Variants in TBX20 observed in about 807,000 individuals in gnomAD.
TBX20 encodes the protein T-box transcription factor TBX20.
A neutral mutation model predicts 42.9 loss-of-function variants in TBX20; 8 were observed. The observed-to-expected ratio is 0.19, with a 90% CI of 0.11 to 0.34. The LOEUF (loss-of-function observed/expected upper bound fraction) is 0.34, where lower values mean the gene tolerates loss of function less well. Ranked by LOEUF, TBX20 falls within the 10% of genes least tolerant of loss-of-function variation. The pLI is 1.00. For synonymous variants in TBX20, 198 were observed against 222.8 expected, an observed-to-expected ratio of 0.89 and a Z score of 0.99; for missense variants, 411 against 566.0, an observed-to-expected ratio of 0.73 and a Z score of 2.78.
chr7:35,253,413 T>C, intron 1 of TBX20, 81 bp downstream of exon 1: 1 of 1,524,148 alleles, frequency 6.6e-7, no homozygotes, highest in Non-Finnish European at 8.9e-7. Flanking sequence ...CAGACGTTGC[T>C]GCGAGCCGCC....
rs534077250 is a variant in TBX20 at position 35,209,788 on chromosome 7, G to A, written c.891-5206C>T. Among the ~76,000 whole-genome samples the A allele has an allele frequency of 2.3e-3, 352 of 152,276 alleles. 1 individual carries two copies. The highest frequency in any genetic ancestry group is 8.0e-3 in the African/African-American group (333 of 41,556). ...CTTTCATTTCTAAAGCAGAGATGTA[G>A]CACTATAAATTTTCTGGAAGTAATG... On this transcript the variant is annotated intron_variant, in intron 6 of 7. Coordinates refer to ENST00000408931, the MANE Select transcript of TBX20 (RefSeq NM_001077653.2).
intron 6 of TBX20, among the ~76,000 whole-genome samples, chr7:35,218,689 A>G (rs2128711755): frequency 6.6e-6 from 1 of 152,358 alleles, no homozygotes; most frequent in African/African-American, 2.4e-5. Context: ...TTCCAGAAAT[A>G]AAATTCAATT....
Position 35,202,536 on chromosome 7 carries a change from A to T in TBX20, c.1238T>A (p.Phe413Tyr). The T allele has an allele frequency of 6.2e-7, 1 of 1,613,778 alleles. No individual in the cohort carries two copies. Among genetic ancestry groups the T allele is most frequent in the Non-Finnish European group, 8.5e-7 (1 of 1,179,914 alleles). The change falls in exon 8 of 8, where the codon TTC (phenylalanine) becomes TAC (tyrosine). Residue 413 changes from phenylalanine (F) to tyrosine (Y), a missense_variant. Physicochemically the swap from Phe to Tyr is conservative, Grantham distance 22 (BLOSUM62 3). Coordinates refer to ENST00000408931, the MANE Select transcript of TBX20 (RefSeq NM_001077653.2). ...ASSMQGSGPTFPSFHMPRYHH... is the reference protein window; with the variant it reads ...ASSMQGSGPTYPSFHMPRYHH... ...GTATCGCGGCATGTGGAATGAAGGG[A>T]ATGTGGGGCCACTCCCTTGCATGGA...
intron 3 of TBX20, among the ~76,000 whole-genome samples, chr7:35,245,319 G>T (rs183194352): frequency 0.011 from 1,599 of 146,476 alleles, 31 homozygotes; most frequent in African/African-American, 0.038. Context: ...TGTTTAAAGG[G>T]GTGTGTGTGT....
intron 6 of TBX20, among the ~76,000 whole-genome samples, chr7:35,211,521 T>C (rs574004991): frequency 2.6e-5 from 4 of 152,192 alleles, no homozygotes; most frequent in Non-Finnish European, 5.9e-5. Flanking sequence ...GTTAACAGAC[T>C]TGATTTCTCT....
intron 6 of TBX20, among the ~76,000 whole-genome samples, chr7:35,207,614 G>T (rs915097369): frequency 4.6e-5 from 7 of 152,162 alleles, no homozygotes; most frequent in Non-Finnish European, 8.8e-5. Flanking sequence ...GTTATAGTGT[G>T]AGGTTTTATG....
rs1424831644 is a variant in TBX20 at position 35,240,919 on chromosome 7, T to C, written c.773A>G (p.Glu258Gly). ...SEEFRTFIFP[E>G]TVFTAVTAYQ... ...GGCAGTGACTGCCGTAAAAACTGTT[T>C]CTGGAAAGATGAAAGTTCTAAATTC... Residue 258 changes from glutamate to glycine, a missense_variant, in exon 5 of 8, where the codon GAA becomes GGA. Physicochemically the swap from Glu to Gly is moderately conservative, Grantham distance 98 (BLOSUM62 -2). Transcript: ENST00000408931. 6.2e-7 allele frequency: 1 copy of C among 1,613,826 alleles called. No individual in the cohort carries two copies. The highest frequency in any genetic ancestry group is 8.5e-7 in the Non-Finnish European group (1 of 1,179,850).
Position 35,240,995 on chromosome 7 carries a change from T to C in TBX20, c.697A>G (p.Ile233Val), listed in dbSNP as rs1342084751. ...GCTGTGTGGTCTTTCTTCTTAATGA[T>C]GTGCACCCTTGGCTGGTACTTATGC... Reference protein sequence around the residue: ...SMHKYQPRVHIIKKKDHTASL... With the variant: ...SMHKYQPRVHVIKKKDHTASL... The change falls in exon 5 of 8, where the codon ATC (isoleucine) becomes GTC (valine). Residue 233 changes from isoleucine to valine, a missense_variant. By Grantham distance (29) the Ile-to-Val change is conservative. Coordinates refer to ENST00000408931, the MANE Select transcript of TBX20 (RefSeq NM_001077653.2). 1.9e-6 allele frequency: 3 copies of C among 1,613,896 alleles called. No homozygotes were observed. The highest frequency in any genetic ancestry group is 2.5e-6 in the Non-Finnish European group (3 of 1,179,770).
intron 6 of TBX20, among the ~76,000 whole-genome samples, chr7:35,222,428 A>G (rs1236291211): frequency 6.6e-6 from 1 of 152,224 alleles, no homozygotes; most frequent in African/African-American, 2.4e-5. Context: ...AAGAAGCACC[A>G]CCAAACATAT....
intron 6 of TBX20, among the ~76,000 whole-genome samples, chr7:35,218,822 TG>T: frequency 6.6e-6 from 1 of 152,136 alleles, no homozygotes; most frequent in Non-Finnish European, 1.5e-5. Context: ...GTCAGGACTT[TG>T]GGAGATGACT....
intron 6 of TBX20, among the ~76,000 whole-genome samples, chr7:35,227,964 T>C (rs1789803995): frequency 6.6e-6 from 1 of 152,148 alleles, no homozygotes; most frequent in African/African-American, 2.4e-5. Flanking sequence ...GTCAATTTTA[T>C]GTTATGTATA....
chr7:35,239,081 G>C (rs1455400425), intron 5 of TBX20, among the ~76,000 whole-genome samples: 2 of 151,948 alleles, frequency 1.3e-5, no homozygotes, highest in East Asian at 1.9e-4. Flanking sequence ...TAATATCTAG[G>C]TAAGGAAAAC....
At chr7:35,239,489 T>C (rs986098048) in intron 5 of TBX20, among the ~76,000 whole-genome samples, 2 of 152,216 alleles carry the variant, frequency 1.3e-5, no homozygotes, top group East Asian at 1.9e-4. Context: ...TGTGACTTCC[T>C]TTTATATTGA....
intron 6 of TBX20, among the ~76,000 whole-genome samples, chr7:35,209,723 T>C (rs1292174852): frequency 2.0e-5 from 3 of 152,352 alleles, no homozygotes; most frequent in Non-Finnish European, 2.9e-5. Context: ...ACTATTGTCC[T>C]AGTTTCTTGA....
At chr7:35,232,038 C>G (rs1172793468) in intron 5 of TBX20, among the ~76,000 whole-genome samples, 2 of 152,022 alleles carry the variant, frequency 1.3e-5, no homozygotes, top group Non-Finnish European at 2.9e-5. Flanking sequence ...ATATACATAC[C>G]ATAATAGATA....
At chr7:35,244,850 G>C (rs1790149063) in intron 4 of TBX20, 99 bp downstream of exon 4, 1 of 815,412 alleles carries the variant, frequency 1.2e-6, no homozygotes, top group Admixed American at 1.8e-5. Context: ...AGGTGGGAAG[G>C]GGATAGGGAA....
rs11978442 is a variant in TBX20, at chr7:35,202,718, A to T, written c.1056T>A (p.Ser352=). 89 of 1,593,868 alleles carry T rather than the reference A, an allele frequency of 5.6e-5. No individual in the cohort carries two copies. In the Middle Eastern group the frequency reaches 1.7e-3, roughly 30 times the overall value. The change falls in exon 8 of 8, where the codon TCT becomes TCA. Residue 352 remains serine (S), a synonymous_variant. Transcript: ENST00000408931. ...GCTGAAACCCAGGAAAACTGGAAGA[A>T]GATGATACCCAGGAGCTGAGAGACA... The part of the protein sequence containing the change: ...DNLSLSSWVS[S]SSSFPGFQHP...
intron 3 of TBX20, 48 bp from the exon 4 acceptor site, chr7:35,245,105 G>A: frequency 7.7e-7 from 1 of 1,304,240 alleles, no homozygotes; most frequent in South Asian, 1.2e-5. Flanking sequence ...TAAAAAGTCT[G>A]TCTCTGTAGG....
At chr7:35,214,879 T>A (rs946753662) in intron 6 of TBX20, among the ~76,000 whole-genome samples, 7 of 152,200 alleles carry the variant, frequency 4.6e-5, no homozygotes, top group African/African-American at 1.7e-4. Flanking sequence ...TTTTTGTACA[T>A]TTATAAAGGA....
Sources: allele counts gnomAD v4.1 joint callset (sites outside exome capture counted in the v4.1 genomes callset), GRCh38; gene constraint gnomAD v4.1.1; transcripts MANE v1.5; gene names NCBI Gene and HGNC (gene_info 2026-07-23, HGNC 2026-07-21).